Variants in CHD1 observed in about 807,000 individuals in gnomAD.
CHD1 encodes the protein chromodomain helicase DNA binding protein 1.
In CHD1, 36 loss-of-function variants were observed where a neutral mutation model predicts 224.2. The observed-to-expected ratio is 0.16, with a 90% CI of 0.12 to 0.21. CHD1 has a LOEUF of 0.21. Ranked by LOEUF, CHD1 falls within the 10% of genes least tolerant of loss-of-function variation. CHD1 has a pLI of 1.00. For synonymous variants in CHD1, 668 were observed against 658.3 expected, an observed-to-expected ratio of 1.01 and a Z score of -0.23; for missense variants, 1,378 against 1,994.8, an observed-to-expected ratio of 0.69 and a Z score of 5.89.
chr5:98,901,676 TTG>T (rs1047460698), intron 5 of CHD1, among the ~76,000 whole-genome samples: 1 of 151,840 alleles, frequency 6.6e-6, no homozygotes, highest in Non-Finnish European at 1.5e-5. Flanking sequence ...CCTCGAGAGG[TTG>T]TGATTTTGAA....
At position 98,882,137 on chromosome 5, in the gene CHD1, C is replaced by T; in HGVS notation, c.2719-14G>A. On this transcript the variant is annotated splice_polypyrimidine_tract_variant and intron_variant, in intron 19 of 35. Coordinates refer to ENST00000614616, the MANE Select transcript of CHD1 (RefSeq NM_001270.4). Reference sequence around the variant, plus strand: ...ATAAATATTCACCTGTAAAAATACACATGAGGAAACAAATTGCAGTATAAA... The same window carrying T: ...ATAAATATTCACCTGTAAAAATACATATGAGGAAACAAATTGCAGTATAAA... 1.9e-6 allele frequency: 3 copies of T among 1,607,070 alleles called. No individual in the cohort carries two copies. The highest frequency in any genetic ancestry group is 2.2e-5 in the East Asian group (1 of 44,744).
intron 3 of CHD1, 51 bp downstream of exon 3, chr5:98,904,846 T>C: frequency 6.6e-7 from 1 of 1,516,102 alleles, no homozygotes; most frequent in East Asian, 2.3e-5. Context: ...CTCTAAATTT[T>C]CCCAAAGTAA....
intron 15 of CHD1, among the ~76,000 whole-genome samples, chr5:98,891,975 A>G (rs1751048894): frequency 6.6e-6 from 1 of 152,256 alleles, no homozygotes; most frequent in African/African-American, 2.4e-5. Flanking sequence ...GATTTACCAT[A>G]GAATATAAAT....
Position 98,894,699 on chromosome 5 carries a change from T to C in CHD1, c.1711-13A>G. The C allele has an allele frequency of 7.8e-7, 1 of 1,276,276 alleles. No homozygotes were observed. Among genetic ancestry groups the C allele is most frequent in the Non-Finnish European group, 1.1e-6 (1 of 906,482 alleles). 79.1% of individuals were successfully genotyped at this position (1,276,276 alleles called of 1,614,324 possible). A position where few individuals can be genotyped will look rare whatever the true frequency, so the allele number is the denominator to read the frequency against. On this transcript the variant is annotated splice_polypyrimidine_tract_variant and intron_variant, in intron 12 of 35. Coordinates refer to ENST00000614616, the MANE Select transcript of CHD1 (RefSeq NM_001270.4). ...CATGAGTTCTTATCTATTAAGAAAT[T>C]TGAAGGACAATTTTTAAGACAAACA...
rs1747987753 is a variant in CHD1 at position 98,855,902 on chromosome 5, G to A, written c.*478C>T. 1 of 152,648 alleles carries A rather than the reference G, an allele frequency of 6.6e-6. No individual in the cohort carries two copies. Among genetic ancestry groups the A allele is most frequent in the South Asian group, 2.0e-4 (1 of 4,882 alleles). The allele number at this position is 152,648 out of a possible 1,614,324, so 9.5% of individuals were successfully genotyped here. ...GATGAAAAGCGGCAAGGTGGTCGCA[G>A]TGTACAATGTAAACAAGTAGCTTTG... On this transcript the variant is annotated 3_prime_UTR_variant, in exon 36 of 36. Transcript: ENST00000614616.
At chr5:98,922,476 T>G (rs1753165681) in intron 2 of CHD1, among the ~76,000 whole-genome samples, 1 of 152,164 alleles carries the variant, frequency 6.6e-6, no homozygotes, top group African/African-American at 2.4e-5. Flanking sequence ...AAAGAATAGT[T>G]AAAAATTTTT....
intron 18 of CHD1, among the ~76,000 whole-genome samples, chr5:98,884,992 A>C (rs968929033): frequency 3.3e-5 from 5 of 151,988 alleles, no homozygotes; most frequent in African/African-American, 4.8e-5. Flanking sequence ...TTGGCCTCCC[A>C]AAGTGCTGGG....
chr5:98,856,696 T>A lies in CHD1; in HGVS notation c.4817A>T (p.Lys1606Ile). ...RYYSDREKHRKLDDHRSRDHR... is the reference protein window; with the variant it reads ...RYYSDREKHRILDDHRSRDHR... ...ATCTCTACTCCTGTGATCATCCAGT[T>A]TTCTGTGTTTCTCTCTGTCACTGTA... The change falls in exon 36 of 36, where the codon AAA (lysine) becomes ATA (isoleucine). Residue 1606 changes from lysine to isoleucine, a missense_variant. Physicochemically the swap from Lys to Ile is moderately radical, Grantham distance 102 (BLOSUM62 -3). Coordinates refer to ENST00000614616, the MANE Select transcript of CHD1 (RefSeq NM_001270.4). 2 of 1,609,084 alleles carry A rather than the reference T, an allele frequency of 1.2e-6. No individual in the cohort carries two copies. Among genetic ancestry groups the A allele is most frequent in the Non-Finnish European group, 1.7e-6 (2 of 1,175,732 alleles).
rs1753056768 is a variant in CHD1, at chr5:98,920,973, T to A, written c.53+5361A>T. On this transcript the variant is annotated intron_variant, in intron 2 of 35. Coordinates refer to ENST00000614616, the MANE Select transcript of CHD1 (RefSeq NM_001270.4). ...ATGCAATGTGGCACTCTGGATTTAA[T>A]CCTACAACAGAAAAGAGGGAGTTAA... is the stretch of plus-strand genomic sequence containing the variant. Among the ~76,000 whole-genome samples, 4 of 152,052 alleles carry A rather than the reference T, an allele frequency of 2.6e-5. No individual in the cohort carries two copies. In the South Asian group the frequency reaches 8.3e-4, roughly 32 times the overall value.
At chr5:98,883,588 C>T (rs1750358354) in intron 18 of CHD1, among the ~76,000 whole-genome samples, 1 of 151,770 alleles carries the variant, frequency 6.6e-6, no homozygotes, top group Non-Finnish European at 1.5e-5. Context: ...ACCACTTGAT[C>T]CCAGGAATCC....
chr5:98,903,956 G>T, intron 3 of CHD1, 48 bp from the exon 4 acceptor site: 1 of 1,154,022 alleles, frequency 8.7e-7, no homozygotes, highest in East Asian at 2.6e-5. Flanking sequence ...TAAGAAAACT[G>T]CAAAAAAAGG....
At chr5:98,900,777 A>G in intron 7 of CHD1, 34 bp downstream of exon 7, 2 of 1,573,424 alleles carry the variant, frequency 1.3e-6, no homozygotes, top group Non-Finnish European at 1.7e-6. Context: ...TATTATTTAA[A>G]TAACCAAACA....
intron 5 of CHD1, among the ~76,000 whole-genome samples, chr5:98,902,484 C>T (rs1335687892): frequency 6.6e-6 from 1 of 151,968 alleles, no homozygotes; most frequent in Non-Finnish European, 1.5e-5. Context: ...CAGTGAGTTT[C>T]TAAAATGAGT....
At chr5:98,913,992 ATT>A (rs1402667353) in intron 2 of CHD1, among the ~76,000 whole-genome samples, 1 of 152,036 alleles carries the variant, frequency 6.6e-6, no homozygotes, top group African/African-American at 2.4e-5. Flanking sequence ...CCCAGTATCT[ATT>A]TTGTTTGTCC....
rs374905363 is a variant in CHD1, at chr5:98,875,026, C to T, written c.3440+46G>A. ...TAATACAAATAAATAAAGGTGACAG[C>T]ATGTAACACATTCCATTATTCTATG... On this transcript the variant is annotated intron_variant, in intron 25 of 35. Transcript: ENST00000614616. The T allele has an allele frequency of 1.9e-5, 18 of 935,946 alleles. No homozygotes were observed. In the African/African-American group the frequency reaches 2.0e-4, roughly 10 times the overall value. 58.0% of individuals were successfully genotyped at this position (935,946 alleles called of 1,614,324 possible). A position where few individuals can be genotyped will look rare whatever the true frequency, so the allele number is the denominator to read the frequency against.
rs1320185969 is a variant in CHD1, at chr5:98,856,406, G to A, written c.5107C>T (p.His1703Tyr). Reference protein sequence around the residue: ...HSVEHKSTPEHTWSSRKT With the variant: ...HSVEHKSTPEYTWSSRKT ...TATGTTTTCCGACTACTCCAGGTAT[G>A]CTCCGGTGTACTTTTGTGTTCAACT... The change falls in exon 36 of 36, where the codon CAT (histidine) becomes TAT (tyrosine). Residue 1703 changes from histidine (H) to tyrosine (Y), a missense_variant. Around this residue, in one of 16 missense-constraint regions of CHD1, gnomAD observed 278 missense variants for 298.5 expected, o/e 0.93. Coordinates refer to ENST00000614616, the MANE Select transcript of CHD1 (RefSeq NM_001270.4). 2 of 1,612,882 alleles carry A rather than the reference G, an allele frequency of 1.2e-6. No homozygotes were observed. Among genetic ancestry groups the A allele is most frequent in the African/African-American group, 2.7e-5 (2 of 74,888 alleles).
chr5:98,863,500 C>T lies in CHD1; in HGVS notation c.4335G>A (p.Glu1445=), dbSNP rs161941. ...EKGLSEREQL[E]HTRQCLIKIG... ...TTTTTATTAAACATTGTCTAGTATG[C>T]TCTAGTTGTTCTCTTTCTGAAAGGC... is the stretch of plus-strand genomic sequence containing the variant. Residue 1445 remains glutamate (E), a synonymous_variant, in exon 32 of 36, where the codon GAG becomes GAA. Transcript: ENST00000614616. The T allele has an allele frequency of 0.28, 449,019 of 1,606,358 alleles. 68,761 individuals carry two copies. The highest frequency in any genetic ancestry group is 0.56 in the African/African-American group (41,488 of 74,480).
rs921771030 is a variant in CHD1, at chr5:98,870,464, A to C, written c.3978+223T>G. ...CCCTCTCTAAAACTAGAAAAAAAAAACAGAATCCTACTTCTGAAAGCTATG... is the reference window on the plus strand; with the variant it reads ...CCCTCTCTAAAACTAGAAAAAAAAACCAGAATCCTACTTCTGAAAGCTATG... On this transcript the variant is annotated intron_variant, in intron 29 of 35. Transcript: ENST00000614616. 5.9e-5 allele frequency among the ~76,000 whole-genome samples: 9 copies of C among 152,264 alleles called. No individual in the cohort carries two copies. The East Asian group carries it at 7.7e-4, about 13-fold the overall frequency.
rs1749778554 is a variant in CHD1, at chr5:98,876,577, T to C, written c.3238-19A>G. The C allele has an allele frequency of 6.2e-7, 1 of 1,609,556 alleles. No homozygotes were observed. ...AACTAATCTGGAATTGGAAAATATTTACCCAACCTTAGTGTAAAAACAGCT... is the reference window on the plus strand; with the variant it reads ...AACTAATCTGGAATTGGAAAATATTCACCCAACCTTAGTGTAAAAACAGCT... On this transcript the variant is annotated intron_variant, in intron 23 of 35. Transcript: ENST00000614616.
Sources: allele counts gnomAD v4.1 joint callset (sites outside exome capture counted in the v4.1 genomes callset), GRCh38; gene constraint gnomAD v4.1.1; regional missense constraint gnomAD v4.1.1; transcripts MANE v1.5; gene names NCBI Gene and HGNC (gene_info 2026-07-23, HGNC 2026-07-21).